Variants in PDLIM1 observed in about 807,000 individuals in gnomAD.
PDLIM1 encodes PDZ and LIM domain 1, also known as PDZ and LIM domain protein 1.
A neutral mutation model predicts 35.2 loss-of-function variants in PDLIM1; 25 were observed. The observed-to-expected ratio is 0.71, with a 90% CI of 0.52 to 0.99. The LOEUF (loss-of-function observed/expected upper bound fraction) is 0.99, where lower values mean the gene tolerates loss of function less well. Ranked by LOEUF, PDLIM1 falls within the 50% of genes least tolerant of loss-of-function variation. The pLI is 0.00. For synonymous variants in PDLIM1, 152 were observed against 154.0 expected (o/e 0.99, Z 0.10); for missense variants, 363 against 415.3 (o/e 0.87, Z 1.09).
At chr10:95,284,998 C>T (rs371289309) in intron 1 of PDLIM1, among the ~76,000 whole-genome samples, 5 of 152,120 alleles carry the variant, frequency 3.3e-5, no homozygotes, top group East Asian at 1.9e-4. Context: ...TGGGTATATT[C>T]GGTTTTGGAC....
chr10:95,256,202 CAAAT>C (rs1268582157), intron 4 of PDLIM1, among the ~76,000 whole-genome samples: 1 of 151,924 alleles, frequency 6.6e-6, no homozygotes, highest in African/African-American at 2.4e-5. Flanking sequence ...AAAGAATGCA[CAAAT>C]AAACAAAAAG....
chr10:95,262,803 G>C (rs2035376159), intron 4 of PDLIM1, among the ~76,000 whole-genome samples: 1 of 152,174 alleles, frequency 6.6e-6, no homozygotes, highest in Non-Finnish European at 1.5e-5. Flanking sequence ...AAGAGCCTGA[G>C]ATGGAGCAGA....
At position 95,273,680 on chromosome 10, in the gene PDLIM1, A is replaced by G. The variant is rs148372092; in HGVS notation, c.97-1896T>C. Among the ~76,000 whole-genome samples, 59 of 152,248 alleles carry G rather than the reference A, an allele frequency of 3.9e-4. 1 individual carries two copies. Among genetic ancestry groups the G allele is most frequent in the African/African-American group, 1.4e-3 (59 of 41,548 alleles). Reference sequence around the variant, plus strand: ...TTTAGGAAACGAAAGCAGCCTCCTGATTCAAGGTTCAGATCGTCCCCTCAT... The same window carrying G: ...TTTAGGAAACGAAAGCAGCCTCCTGGTTCAAGGTTCAGATCGTCCCCTCAT... On this transcript the variant is annotated intron_variant, in intron 1 of 6. Coordinates refer to ENST00000329399, the MANE Select transcript of PDLIM1 (RefSeq NM_020992.4).
chr10:95,245,777 A>G (rs2035213937), intron 5 of PDLIM1, among the ~76,000 whole-genome samples: 1 of 152,178 alleles, frequency 6.6e-6, no homozygotes, highest in Non-Finnish European at 1.5e-5. Flanking sequence ...ATGGTTTCCT[A>G]ATTTCCTATG....
intron 5 of PDLIM1, among the ~76,000 whole-genome samples, chr10:95,239,562 G>A (rs565652035): frequency 5.9e-4 from 90 of 152,326 alleles, no homozygotes; most frequent in African/African-American, 2.1e-3. Flanking sequence ...TTGGGAGGCC[G>A]AGGTGGGTGG....
At position 95,258,546 on chromosome 10, in the gene PDLIM1, T is replaced by C. The variant is rs192510870; in HGVS notation, c.533+5318A>G. 1.4e-3 allele frequency among the ~76,000 whole-genome samples: 207 copies of C among 152,104 alleles called. 2 individuals carry two copies. The highest frequency in any genetic ancestry group is 6.4e-3 in the Admixed American group (98 of 15,270). On this transcript the variant is annotated intron_variant, in intron 4 of 6. Coordinates refer to ENST00000329399, the MANE Select transcript of PDLIM1 (RefSeq NM_020992.4). The stretch of plus-strand genomic sequence containing the variant: ...GGAAATTCTGTCATATATTACAACA[T>C]GGGAAAACCTTGAGGACATTATGGT...
chr10:95,273,936 T>C (rs564700136), intron 1 of PDLIM1, among the ~76,000 whole-genome samples: 1 of 152,344 alleles, frequency 6.6e-6, no homozygotes, highest in South Asian at 2.1e-4. Flanking sequence ...TCATTTTATT[T>C]GGGATTGGCA....
chr10:95,261,475 TAG>T (rs1491429904), intron 4 of PDLIM1, among the ~76,000 whole-genome samples: 1 of 152,070 alleles, frequency 6.6e-6, no homozygotes, highest in African/African-American at 2.4e-5. Context: ...GTGGAAAGCC[TAG>T]GGGGACCAGT....
intron 5 of PDLIM1, among the ~76,000 whole-genome samples, chr10:95,239,783 G>A (rs999258182): frequency 3.3e-5 from 5 of 152,032 alleles, no homozygotes; most frequent in East Asian, 3.9e-4. Context: ...GCAACAGAGC[G>A]AGACTCCATC....
At chr10:95,285,122 T>C (rs1464348682) in intron 1 of PDLIM1, among the ~76,000 whole-genome samples, 1 of 152,192 alleles carries the variant, frequency 6.6e-6, no homozygotes, top group Non-Finnish European at 1.5e-5. Flanking sequence ...CTCTAGCCAG[T>C]CCTTCCACTC....
At chr10:95,260,641 G>A (rs1589511883) in intron 4 of PDLIM1, among the ~76,000 whole-genome samples, 1 of 152,190 alleles carries the variant, frequency 6.6e-6, no homozygotes. Flanking sequence ...ACACAGCTCT[G>A]TAAAGACCTA....
chr10:95,243,263 C>A (rs45565739), intron 5 of PDLIM1, among the ~76,000 whole-genome samples: 2 of 152,130 alleles, frequency 1.3e-5, no homozygotes, highest in Non-Finnish European at 2.9e-5. Flanking sequence ...GCCAACACTG[C>A]GAATCCAGAG....
intron 4 of PDLIM1, among the ~76,000 whole-genome samples, chr10:95,248,777 A>T (rs2035243756): frequency 6.6e-6 from 1 of 152,170 alleles, no homozygotes; most frequent in Non-Finnish European, 1.5e-5. Context: ...CTCTACTGAG[A>T]CCAGGCTTCC....
chr10:95,282,817 G>C (rs181382907), intron 1 of PDLIM1, among the ~76,000 whole-genome samples: 116 of 152,240 alleles, frequency 7.6e-4, no homozygotes, highest in Non-Finnish European at 1.3e-3. Flanking sequence ...GATGGCGCAC[G>C]CTTGTAATCT....
chr10:95,237,886 G>A lies in PDLIM1; in HGVS notation c.*39C>T. The A allele has an allele frequency of 6.4e-7, 1 of 1,573,710 alleles. No homozygotes were observed. The highest frequency in any genetic ancestry group is 8.7e-7 in the Non-Finnish European group (1 of 1,147,424). ...CAGAACACTGAGAGAAAAAGCTGCA[G>A]CAGAGGCCTGCTGGAGAACAGTGGT... On this transcript the variant is annotated 3_prime_UTR_variant, in exon 7 of 7. Transcript: ENST00000329399.
At chr10:95,261,019 G>A (rs751167354) in intron 4 of PDLIM1, among the ~76,000 whole-genome samples, 7 of 152,176 alleles carry the variant, frequency 4.6e-5, no homozygotes, top group Admixed American at 3.3e-4. Flanking sequence ...CAAAGAGTGC[G>A]GGGTGGAACA....
At chr10:95,244,310 G>C (rs1487845378) in intron 5 of PDLIM1, among the ~76,000 whole-genome samples, 1 of 152,200 alleles carries the variant, frequency 6.6e-6, no homozygotes, top group Non-Finnish European at 1.5e-5. Context: ...GCTTCCTTCA[G>C]GGAGGGGCCT....
chr10:95,261,973 A>G (rs911573064), intron 4 of PDLIM1, among the ~76,000 whole-genome samples: 1 of 150,694 alleles, frequency 6.6e-6, no homozygotes, highest in African/African-American at 2.4e-5. Flanking sequence ...ACTCCATTGC[A>G]CTCTAGCCTA....
chr10:95,285,869 C>T (rs1399909988), intron 1 of PDLIM1, among the ~76,000 whole-genome samples: 8 of 152,158 alleles, frequency 5.3e-5, no homozygotes, highest in African/African-American at 1.9e-4. Context: ...ATTAAAAGTC[C>T]TATATATGTT....
Sources: gnomAD v4.1 joint callset for allele counts (sites outside exome capture counted in the v4.1 genomes callset) on GRCh38, gnomAD v4.1.1 for gene constraint, MANE v1.5 for transcripts, NCBI Gene and HGNC (gene_info 2026-07-23, HGNC 2026-07-21) for gene names.